Variants in LSM3 observed in about 807,000 individuals in gnomAD.
LSM3 encodes U6 snRNA-associated Sm-like protein LSm3.
Under a neutral mutation model 15.4 loss-of-function variants are expected in LSM3, and 14 were observed. The ratio of observed to expected loss-of-function variants is 0.91; its 90% CI spans 0.60 to 1.42. The LOEUF (loss-of-function observed/expected upper bound fraction) is 1.42. Ranked by LOEUF, LSM3 falls within the 40% of genes most tolerant of loss-of-function variation. The probability of loss-of-function intolerance (pLI) is 0.00; values close to 1 mark genes in which losing one functional copy is unlikely to be tolerated. For synonymous variants in LSM3, 46 were observed against 45.1 expected, an observed-to-expected ratio of 1.02 and a Z score of -0.08; for missense variants, 88 against 127.9, an observed-to-expected ratio of 0.69 and a Z score of 1.50.
chr3:14,180,942 G>A (rs185555364), intron 1 of LSM3, among the ~76,000 whole-genome samples: 21 of 138,936 alleles, frequency 1.5e-4, no homozygotes, highest in African/African-American at 3.2e-4. Context: ...CCTCCACCTC[G>A]CCAGGCTCAA....
chr3:14,191,557 A>G (rs960929294), intron 3 of LSM3, among the ~76,000 whole-genome samples: 1 of 152,126 alleles, frequency 6.6e-6, no homozygotes, highest in African/African-American at 2.4e-5. Flanking sequence ...TAGAGGTCCT[A>G]GTTTATTTGC....
intron 3 of LSM3, among the ~76,000 whole-genome samples, chr3:14,188,174 TG>T (rs1046046505): frequency 6.6e-6 from 1 of 152,230 alleles, no homozygotes; most frequent in African/African-American, 2.4e-5. Context: ...GAGCCACATG[TG>T]GCTATTTGGC....
chr3:14,196,696 T>A (rs1314015295), intron 3 of LSM3, among the ~76,000 whole-genome samples: 2 of 152,222 alleles, frequency 1.3e-5, no homozygotes, highest in African/African-American at 4.8e-5. Flanking sequence ...TAAATTTAAT[T>A]GTGCGTCCTA....
At position 14,197,985 on chromosome 3, in the gene LSM3, A is replaced by C. The variant is rs140834923; in HGVS notation, c.229-51A>C. On this transcript the variant is annotated intron_variant, in intron 3 of 3. Coordinates refer to ENST00000306024, the MANE Select transcript of LSM3 (RefSeq NM_014463.3). ...TTTAACATTTCTGTCACAAACAATA[A>C]GCAGTAATACACAGTTGTACAAATA... 3.7e-4 allele frequency: 518 copies of C among 1,406,184 alleles called. 9 individuals carry two copies. The East Asian group carries it at 0.012, about 32-fold the overall frequency. 87.1% of individuals were successfully genotyped at this position (1,406,184 alleles called of 1,614,324 possible). A position where few individuals can be genotyped will look rare whatever the true frequency, so the allele number is the denominator to read the frequency against.
chr3:14,190,723 A>G (rs1413751529), intron 3 of LSM3, among the ~76,000 whole-genome samples: 1 of 152,208 alleles, frequency 6.6e-6, no homozygotes, highest in Non-Finnish European at 1.5e-5. Context: ...ATATACAATC[A>G]TGTCATCTGC....
Position 14,198,016 on chromosome 3 carries a change from TG to T in LSM3, c.229-19del. The T allele has an allele frequency of 6.4e-7, 1 of 1,569,630 alleles. No individual in the cohort carries two copies. Among genetic ancestry groups the T allele is most frequent in the South Asian group, 1.1e-5 (1 of 90,058 alleles). ...AATACACAGTTGTACAAATATGTTC[TG>T]TTTTTTTTTCTCTTCTAGTCAACGA... On this transcript the variant is annotated intron_variant, in intron 3 of 3. Coordinates refer to ENST00000306024, the MANE Select transcript of LSM3 (RefSeq NM_014463.3).
At chr3:14,195,665 T>C (rs1169186468) in intron 3 of LSM3, among the ~76,000 whole-genome samples, 1 of 152,238 alleles carries the variant, frequency 6.6e-6, no homozygotes, top group African/African-American at 2.4e-5. Context: ...TGGTCTTCCC[T>C]GAGAGCATGC....
In LSM3 at chr3:14,183,987, G is replaced by A; in HGVS notation, c.183G>A (p.Val61=). ...TCTTGGGAGATGTGGAAGAAACTGT[G>A]ACTACTATAGAAATTGATGAAGAAA... The part of the protein sequence containing the change: ...NMILGDVEET[V]TTIEIDEETY... Residue 61 remains valine, a synonymous_variant, in exon 3 of 4, where the codon GTG becomes GTA. Transcript: ENST00000306024. The A allele has an allele frequency of 3.7e-6, 6 of 1,608,732 alleles. No individual in the cohort carries two copies. The highest frequency in any genetic ancestry group is 4.2e-6 in the Non-Finnish European group (5 of 1,178,702).
chr3:14,190,758 T>C (rs1697132035), intron 3 of LSM3, among the ~76,000 whole-genome samples: 1 of 152,198 alleles, frequency 6.6e-6, no homozygotes, highest in South Asian at 2.1e-4. Flanking sequence ...ACTTCCTCTC[T>C]TCCTATTTGA....
At chr3:14,194,961 G>C (rs1697175106) in intron 3 of LSM3, among the ~76,000 whole-genome samples, 1 of 151,924 alleles carries the variant, frequency 6.6e-6, no homozygotes, top group African/African-American at 2.4e-5. Context: ...GTATACTCTG[G>C]TGGGCATATT....
rs762029167 is a variant in LSM3, at chr3:14,178,845, G to A, written c.-16G>A. 6.2e-7 allele frequency: 1 copy of A among 1,614,248 alleles called. No individual in the cohort carries two copies. On this transcript the variant is annotated 5_prime_UTR_variant, in exon 1 of 4. Transcript: ENST00000306024. ...GTGTTCTCGCGAGAGGCGGGAAAGG[G>A]CGCAGGGTTTGAAACATGGCGGACG...
At position 14,183,979 on chromosome 3, in the gene LSM3, G is replaced by A; in HGVS notation, c.175G>A (p.Glu59Lys). 1 of 1,609,264 alleles carries A rather than the reference G, an allele frequency of 6.2e-7. No homozygotes were observed. Among genetic ancestry groups the A allele is most frequent in the Non-Finnish European group, 8.5e-7 (1 of 1,178,764 alleles). ...HLNMILGDVE[E>K]TVTTIEIDEE... The stretch of plus-strand genomic sequence containing the variant: ...AAATATGATCTTGGGAGATGTGGAA[G>A]AAACTGTGACTACTATAGAAATTGA... Residue 59 changes from glutamate to lysine, a missense_variant, in exon 3 of 4, where the codon GAA becomes AAA. Physicochemically the swap from Glu to Lys is moderately conservative, Grantham distance 56 (BLOSUM62 1). Coordinates refer to ENST00000306024, the MANE Select transcript of LSM3 (RefSeq NM_014463.3).
rs552568434 is a variant in LSM3 at position 14,191,576 on chromosome 3, G to C, written c.229-6460G>C. ...GGTCCTAGTTTATTTGCGTAGAGAT[G>C]TTTATATTATTCTCTGATGGTAGTT... On this transcript the variant is annotated intron_variant, in intron 3 of 3. Coordinates refer to ENST00000306024, the MANE Select transcript of LSM3 (RefSeq NM_014463.3). Among the ~76,000 whole-genome samples the C allele has an allele frequency of 1.5e-4, 23 of 152,264 alleles. 1 individual carries two copies. The highest frequency in any genetic ancestry group is 1.5e-3 in the Admixed American group (23 of 15,294).
chr3:14,178,895 A>G lies in LSM3; in HGVS notation c.21+14A>G. The G allele has an allele frequency of 6.2e-7, 1 of 1,614,092 alleles. No homozygotes were observed. Among genetic ancestry groups the G allele is most frequent in the Non-Finnish European group, 8.5e-7 (1 of 1,179,996 alleles). ...GACGTAGACCAGGTAAGTGTATTTTAAGGAGGTCGCTCGAAGGAGCTTCTT... is the reference window on the plus strand; with the variant it reads ...GACGTAGACCAGGTAAGTGTATTTTGAGGAGGTCGCTCGAAGGAGCTTCTT... On this transcript the variant is annotated intron_variant, in intron 1 of 3. Transcript: ENST00000306024.
rs748673823 is a variant in LSM3, at chr3:14,198,066, G to C, written c.259G>C (p.Val87Leu). ...GAAACGGAATATTCCAATGCTCTTT[G>C]TCCGGGGAGATGGCGTTGTCCTGGT... is the stretch of plus-strand genomic sequence containing the variant. ...STKRNIPMLFVRGDGVVLVAP... is the reference protein window; with the variant it reads ...STKRNIPMLFLRGDGVVLVAP... Residue 87 changes from valine to leucine, a missense_variant, in exon 4 of 4, where the codon GTC (valine) becomes CTC (leucine). Coordinates refer to ENST00000306024, the MANE Select transcript of LSM3 (RefSeq NM_014463.3). The C allele has an allele frequency of 9.9e-6, 16 of 1,612,740 alleles. No individual in the cohort carries two copies. Among genetic ancestry groups the C allele is most frequent in the Non-Finnish European group, 8.5e-7 (1 of 1,179,640 alleles).
chr3:14,196,708 A>G (rs1697190407), intron 3 of LSM3, among the ~76,000 whole-genome samples: 2 of 152,194 alleles, frequency 1.3e-5, no homozygotes, highest in African/African-American at 4.8e-5. Flanking sequence ...TGCGTCCTAC[A>G]TCTTTATTTG....
At chr3:14,189,514 A>T (rs1697119608) in intron 3 of LSM3, among the ~76,000 whole-genome samples, 1 of 152,182 alleles carries the variant, frequency 6.6e-6, no homozygotes, top group Non-Finnish European at 1.5e-5. Flanking sequence ...ATGAGATGGT[A>T]TCTCATTGTG....
intron 2 of LSM3, 79 bp from the exon 3 acceptor site, chr3:14,183,858 C>A: frequency 9.5e-7 from 1 of 1,050,468 alleles, no homozygotes. Context: ...TGTAATTGAG[C>A]AATTTGCATA....
Position 14,198,017 on chromosome 3 carries a change from GT to G in LSM3, c.229-10del, listed in dbSNP as rs3214856. 0.047 allele frequency: 72,212 copies of G among 1,538,164 alleles called. 2,764 individuals carry two copies. The highest frequency in any genetic ancestry group is 0.24 in the East Asian group (10,630 of 43,822). On this transcript the variant is annotated intron_variant, in intron 3 of 3. Transcript: ENST00000306024. ...ATACACAGTTGTACAAATATGTTCT[GT>G]TTTTTTTTCTCTTCTAGTCAACGAA...
Sources: allele counts gnomAD v4.1 joint callset (sites outside exome capture counted in the v4.1 genomes callset), GRCh38; gene constraint gnomAD v4.1.1; transcripts MANE v1.5; gene names NCBI Gene and HGNC (gene_info 2026-07-23, HGNC 2026-07-21).